The following PPP1R3A variants were observed in gnomAD, a reference collection of about 807,000 sequenced individuals.
The protein encoded by PPP1R3A is RG1.
A neutral mutation model predicts 41.7 loss-of-function variants in PPP1R3A; 29 were observed. The observed-to-expected ratio is 0.70, with a 90% CI of 0.52 to 0.95. The LOEUF (loss-of-function observed/expected upper bound fraction) is 0.95. Ranked by LOEUF, PPP1R3A falls within the 40% of genes least tolerant of loss-of-function variation. The probability of loss-of-function intolerance (pLI) is 0.00; values close to 1 mark genes in which losing one functional copy is unlikely to be tolerated. For missense variants in PPP1R3A, 1,352 were observed against 1,292.4 expected (o/e 1.05, Z -0.71); for synonymous variants, 485 against 453.4 (o/e 1.07, Z -0.89).
intron 1 of PPP1R3A, among the ~76,000 whole-genome samples, chr7:113,915,774 A>C (rs991031853): frequency 2.0e-5 from 3 of 151,858 alleles, no homozygotes; most frequent in African/African-American, 7.2e-5. Context: ...ATTTTTGATC[A>C]AATAAGTATT....
At chr7:113,884,416 C>A (rs1201440015) in intron 1 of PPP1R3A, among the ~76,000 whole-genome samples, 3 of 151,806 alleles carry the variant, frequency 2.0e-5, no homozygotes, top group Non-Finnish European at 4.4e-5. Flanking sequence ...CAGAGTCAGG[C>A]AAACTAATAA....
intron 1 of PPP1R3A, among the ~76,000 whole-genome samples, chr7:113,893,378 T>C (rs1796925202): frequency 6.6e-6 from 1 of 152,004 alleles, no homozygotes; most frequent in Non-Finnish European, 1.5e-5. Context: ...AAGATCAGTA[T>C]TATTAATTTA....
At chr7:113,883,363 T>C (rs546968106) in intron 1 of PPP1R3A, among the ~76,000 whole-genome samples, 88 of 152,064 alleles carry the variant, frequency 5.8e-4, no homozygotes, top group Non-Finnish European at 1.0e-3. Context: ...GCAATTCTGA[T>C]CCAAATCCCA....
At chr7:113,881,288 C>T (rs1336093719) in intron 3 of PPP1R3A, among the ~76,000 whole-genome samples, 2 of 152,006 alleles carry the variant, frequency 1.3e-5, no homozygotes. Flanking sequence ...AGACAAATGT[C>T]ATTTTAATCT....
In PPP1R3A at chr7:113,918,539, A is replaced by G. The variant is rs1255837195; in HGVS notation, c.458T>C (p.Phe153Ser). The G allele has an allele frequency of 1.2e-6, 2 of 1,612,992 alleles. No individual in the cohort carries two copies. Among genetic ancestry groups the G allele is most frequent in the African/African-American group, 2.7e-5 (2 of 74,898 alleles). Reference protein sequence around the residue: ...KGIIRVLNVSFEKLVYVRMSL... With the variant: ...KGIIRVLNVSSEKLVYVRMSL... Reference sequence around the variant, plus strand: ...CATTCTTACATATACTAACTTCTCAAAAGAAACATTCAAAACTCGAATAAT... The same window carrying G: ...CATTCTTACATATACTAACTTCTCAGAAGAAACATTCAAAACTCGAATAAT... The change falls in exon 1 of 4, where the codon TTT becomes TCT. Residue 153 changes from phenylalanine (F) to serine (S), a missense_variant. Transcript: ENST00000284601.
At chr7:113,905,818 G>A (rs1797136812) in intron 1 of PPP1R3A, among the ~76,000 whole-genome samples, 1 of 151,836 alleles carries the variant, frequency 6.6e-6, no homozygotes, top group Non-Finnish European at 1.5e-5. Context: ...AATATGAGCA[G>A]TGGCCCTGGC....
chr7:113,883,116 A>T (rs1428061031), intron 1 of PPP1R3A, among the ~76,000 whole-genome samples: 1 of 151,996 alleles, frequency 6.6e-6, no homozygotes, highest in Non-Finnish European at 1.5e-5. Flanking sequence ...TAGAATTTAG[A>T]TTTGTCCATG....
At chr7:113,903,231 A>G (rs1797093948) in intron 1 of PPP1R3A, among the ~76,000 whole-genome samples, 1 of 151,798 alleles carries the variant, frequency 6.6e-6, no homozygotes, top group Non-Finnish European at 1.5e-5. Context: ...GGATTAAACT[A>G]ATTACAATAA....
At chr7:113,888,893 A>G (rs1796832782) in intron 1 of PPP1R3A, among the ~76,000 whole-genome samples, 1 of 152,180 alleles carries the variant, frequency 6.6e-6, no homozygotes, top group South Asian at 2.1e-4. Flanking sequence ...CAAGTTCACA[A>G]AGGAACTTTA....
At position 113,877,746 on chromosome 7, in the gene PPP1R3A, T is replaced by G. The variant is rs776366209; in HGVS notation, c.3346A>C (p.Lys1116Gln). ...SWLSWEEGRQ[K>Q]ESVKKK ...GGTTACTTCTTTTTGACAGACTCTT[T>G]TTGTCTACCCTCTTCCCAGGATAGC... The change falls in exon 4 of 4, where the codon AAA becomes CAA. Residue 1116 changes from lysine to glutamine, a missense_variant. Physicochemically the swap from Lys to Gln is moderately conservative, Grantham distance 53. Coordinates refer to ENST00000284601, the MANE Select transcript of PPP1R3A (RefSeq NM_002711.4). The G allele has an allele frequency of 6.4e-7, 1 of 1,561,094 alleles. No homozygotes were observed. The highest frequency in any genetic ancestry group is 1.9e-5 in the Admixed American group (1 of 51,754).
In PPP1R3A at chr7:113,879,671, G is replaced by C. The variant is rs1020724928; in HGVS notation, c.1421C>G (p.Ala474Gly). Residue 474 changes from alanine (A) to glycine (G), a missense_variant, in exon 4 of 4, where the codon GCT (alanine) becomes GGT (glycine). Transcript: ENST00000284601. ...CAAATCTTTTACTTCAATATTTTTAGCTCCTCCTTCATGTTTTTTATTAAG... is the reference window on the plus strand; with the variant it reads ...CAAATCTTTTACTTCAATATTTTTACCTCCTCCTTCATGTTTTTTATTAAG... ...GNLNKKHEGG[A>G]KNIEVKDLGC... is the part of the protein sequence containing the mutation. 4 of 1,612,856 alleles carry C rather than the reference G, an allele frequency of 2.5e-6. No homozygotes were observed. The highest frequency in any genetic ancestry group is 3.4e-6 in the Non-Finnish European group (4 of 1,179,598).
chr7:113,887,013 T>A (rs2129115572), intron 1 of PPP1R3A, among the ~76,000 whole-genome samples: 1 of 152,294 alleles, frequency 6.6e-6, no homozygotes, highest in South Asian at 2.1e-4. Flanking sequence ...GTTGAGTGAA[T>A]AAATGCACAG....
chr7:113,908,096 T>C (rs1562925632), intron 1 of PPP1R3A, among the ~76,000 whole-genome samples: 1 of 151,748 alleles, frequency 6.6e-6, no homozygotes, highest in African/African-American at 2.4e-5. Context: ...GCACTAGGGG[T>C]CCTGTTGAAC....
At chr7:113,898,459 C>A (rs1797010292) in intron 1 of PPP1R3A, among the ~76,000 whole-genome samples, 1 of 151,658 alleles carries the variant, frequency 6.6e-6, no homozygotes, top group Non-Finnish European at 1.5e-5. Context: ...TATCAAGGGG[C>A]ATGGTAGTGA....
At chr7:113,900,852 A>T (rs1471065225) in intron 1 of PPP1R3A, among the ~76,000 whole-genome samples, 1 of 150,890 alleles carries the variant, frequency 6.6e-6, no homozygotes, top group African/African-American at 2.4e-5. Context: ...ACTAATTTAC[A>T]TAAACTTATC....
At position 113,915,857 on chromosome 7, in the gene PPP1R3A, C is replaced by A. The variant is rs559125013; in HGVS notation, c.782+2358G>T. Among the ~76,000 whole-genome samples the A allele has an allele frequency of 5.3e-5, 8 of 151,878 alleles. No individual in the cohort carries two copies. The South Asian group carries it at 1.5e-3, about 28-fold the overall frequency. Reference sequence around the variant, plus strand: ...ATAAGGTGTGCTATTTTTCTCTAACCAAACTCTTCACAATAAAATCCAACT... The same window carrying A: ...ATAAGGTGTGCTATTTTTCTCTAACAAAACTCTTCACAATAAAATCCAACT... On this transcript the variant is annotated intron_variant, in intron 1 of 3. Transcript: ENST00000284601.
intron 1 of PPP1R3A, among the ~76,000 whole-genome samples, chr7:113,885,769 C>A (rs1327943199): frequency 6.7e-6 from 1 of 149,912 alleles, no homozygotes; most frequent in Non-Finnish European, 1.5e-5. Context: ...AAGCTAAAAA[C>A]TACCTATATA....
Position 113,879,484 on chromosome 7 carries a change from T to G in PPP1R3A, c.1608A>C (p.Thr536=). 1 of 1,613,290 alleles carries G rather than the reference T, an allele frequency of 6.2e-7. No homozygotes were observed. The highest frequency in any genetic ancestry group is 8.5e-7 in the Non-Finnish European group (1 of 1,179,610). ...VNEKQRKNFQ[T]ILHDQERKMG... ...TCTTCCTTTCTTGGTCATGTAAGATTGTTTGGAAATTTTTTCTTTGTTTTT... is the reference window on the plus strand; with the variant it reads ...TCTTCCTTTCTTGGTCATGTAAGATGGTTTGGAAATTTTTTCTTTGTTTTT... The change falls in exon 4 of 4, where the codon ACA becomes ACC. Residue 536 remains threonine, a synonymous_variant. Coordinates refer to ENST00000284601, the MANE Select transcript of PPP1R3A (RefSeq NM_002711.4).
intron 1 of PPP1R3A, among the ~76,000 whole-genome samples, chr7:113,914,977 G>T (rs1303564954): frequency 6.6e-6 from 1 of 151,956 alleles, no homozygotes. Context: ...TTTTGTCATT[G>T]ATTTTAAAAT....
Sources: allele counts gnomAD v4.1 joint callset (sites outside exome capture counted in the v4.1 genomes callset), GRCh38; gene constraint gnomAD v4.1.1; transcripts MANE v1.5; gene names NCBI Gene and HGNC (gene_info 2026-07-23, HGNC 2026-07-21).